COL16A1: variants seen among roughly 807,000 people sequenced by gnomAD.
COL16A1 encodes collagen alpha-1(XVI) chain.
Under a neutral mutation model 266.3 loss-of-function variants are expected in COL16A1, and 189 were observed. That is an observed-to-expected ratio of 0.71 (90% CI 0.63 to 0.80). The LOEUF (loss-of-function observed/expected upper bound fraction) is 0.80. Ranked by LOEUF, COL16A1 falls within the 30% of genes least tolerant of loss-of-function variation. The pLI, the probability that COL16A1 is intolerant of heterozygous loss-of-function variation, is 0.00. For synonymous variants in COL16A1, 740 were observed against 782.3 expected (o/e 0.95, Z 0.90); for missense variants, 1,928 against 2,122.4 (o/e 0.91, Z 1.80).
At chr1:31,689,645 T>C (rs1644163635) in intron 23 of COL16A1, 96 bp downstream of exon 23, 3 of 951,770 alleles carry the variant, frequency 3.2e-6, no homozygotes, top group Non-Finnish European at 5.1e-6. Context: ...CCACGAGAAG[T>C]ACCCAGCCCC....
At position 31,685,004 on chromosome 1, in the gene COL16A1, G is replaced by A. The variant is rs1643900477; in HGVS notation, c.2017-148C>T. The A allele has an allele frequency of 1.3e-6, 2 of 1,489,206 alleles. No homozygotes were observed. The highest frequency in any genetic ancestry group is 2.8e-5 in the African/African-American group (2 of 72,486). 92.2% of individuals were successfully genotyped at this position (1,489,206 alleles called of 1,614,324 possible). ...TGAAGCAATCTTGCCCAGGTGCAGAGCAAAGATTTGTGCCAGACTCTTTGC... is the reference window on the plus strand; with the variant it reads ...TGAAGCAATCTTGCCCAGGTGCAGAACAAAGATTTGTGCCAGACTCTTTGC... On this transcript the variant is annotated intron_variant, in intron 29 of 70. Coordinates refer to ENST00000373672, the MANE Select transcript of COL16A1 (RefSeq NM_001856.4). This position sits in a 1 kb window ranked among gnomAD's most constrained non-coding sequence, Gnocchi z 4.0.
Position 31,688,819 on chromosome 1 carries a change from G to T in COL16A1, c.1767+42C>A. On this transcript the variant is annotated intron_variant, in intron 25 of 70. Coordinates refer to ENST00000373672, the MANE Select transcript of COL16A1 (RefSeq NM_001856.4). This position sits in a 1 kb window ranked among gnomAD's most constrained non-coding sequence, Gnocchi z 4.9. The stretch of plus-strand genomic sequence containing the variant: ...CCAGGGAGATCAACAGTATGGCAAG[G>T]ATGGCTGAACTGGGCTGGGCTGGGA... 1 of 1,573,092 alleles carries T rather than the reference G, an allele frequency of 6.4e-7. No individual in the cohort carries two copies. The highest frequency in any genetic ancestry group is 8.7e-7 in the Non-Finnish European group (1 of 1,152,692).
At position 31,667,520 on chromosome 1, in the gene COL16A1, G is replaced by T. The variant is rs535888273; in HGVS notation, c.3357+55C>A. ...GGCTGCTGCCAAGTCTCCAGCCCGA[G>T]ACTGTGTGGCTCCACGTGCAGCCCT... On this transcript the variant is annotated intron_variant, in intron 52 of 70. Coordinates refer to ENST00000373672, the MANE Select transcript of COL16A1 (RefSeq NM_001856.4). 4.9e-5 allele frequency: 72 copies of T among 1,470,784 alleles called. No homozygotes were observed. In the African/African-American group the frequency reaches 9.5e-4, roughly 19 times the overall value. 91.1% of individuals were successfully genotyped at this position (1,470,784 alleles called of 1,614,324 possible). A position where few individuals can be genotyped will look rare whatever the true frequency, so the allele number is the denominator to read the frequency against.
In COL16A1 at chr1:31,685,875, C is replaced by T. The variant is rs1384344284; in HGVS notation, c.1885-105G>A. 3.0e-5 allele frequency: 46 copies of T among 1,549,008 alleles called. No individual in the cohort carries two copies. The South Asian group carries it at 4.6e-4, about 15-fold the overall frequency. On this transcript the variant is annotated intron_variant, in intron 28 of 70. Coordinates refer to ENST00000373672, the MANE Select transcript of COL16A1 (RefSeq NM_001856.4). This position sits in a 1 kb window ranked among gnomAD's most constrained non-coding sequence, Gnocchi z 4.0. ...AATGTCACTGGGTCTGACACTGCACCTCTGCTGGGTGAGGGGTTATCTTGG... is the reference window on the plus strand; with the variant it reads ...AATGTCACTGGGTCTGACACTGCACTTCTGCTGGGTGAGGGGTTATCTTGG...
intron 44 of COL16A1, 28 bp from the exon 45 acceptor site, chr1:31,672,868 G>C: frequency 1.9e-6 from 3 of 1,608,160 alleles, no homozygotes; most frequent in Non-Finnish European, 2.6e-6. Context: ...AGAGGAGTGG[G>C]GCCTGGGTTA....
rs146025876 is a variant in COL16A1, at chr1:31,687,120, G to A, written c.1804-841C>T. On this transcript the variant is annotated intron_variant, in intron 26 of 70. Transcript: ENST00000373672. ...GTGAAGGCTGGGCACGATGGCTCAC[G>A]CCTGTAATCCCAGCATTTTGGGAGG... Among the ~76,000 whole-genome samples, 659 of 152,308 alleles carry A rather than the reference G, an allele frequency of 4.3e-3. 3 individuals carry two copies. The highest frequency in any genetic ancestry group is 7.0e-3 in the Non-Finnish European group (474 of 68,030).
intron 42 of COL16A1, 124 bp downstream of exon 42, chr1:31,679,508 G>T: frequency 6.2e-7 from 1 of 1,613,914 alleles, no homozygotes; most frequent in Non-Finnish European, 8.5e-7. Flanking sequence ...AAACAGAGGA[G>T]TGAGAAATGG....
chr1:31,679,470 G>A (rs764590288), intron 42 of COL16A1, 162 bp downstream of exon 42: 16 of 1,611,074 alleles, frequency 9.9e-6, no homozygotes, highest in Middle Eastern at 1.6e-4. Context: ...GGCTCAGTGG[G>A]CCCTCCTTGC....
chr1:31,684,468 C>T, intron 31 of COL16A1, 55 bp downstream of exon 31: 1 of 1,585,202 alleles, frequency 6.3e-7, no homozygotes, highest in Admixed American at 1.8e-5. Context: ...TGGTGCGACA[C>T]CTGATTTTTT....
rs1417671255 is a variant in COL16A1 at position 31,658,820 on chromosome 1, T to G, written c.3930+94A>C. The G allele has an allele frequency of 4.2e-6, 6 of 1,430,100 alleles. No homozygotes were observed. In the African/African-American group the frequency reaches 7.1e-5, roughly 17 times the overall value. The allele number at this position is 1,430,100 out of a possible 1,614,324, so 88.6% of individuals were successfully genotyped here. ...CAGGGAAGGAGGGGATGAGACAAACTGTTCTCCATCCCCCCAGCTTCCTCT... is the reference window on the plus strand; with the variant it reads ...CAGGGAAGGAGGGGATGAGACAAACGGTTCTCCATCCCCCCAGCTTCCTCT... On this transcript the variant is annotated intron_variant, in intron 63 of 70. Transcript: ENST00000373672.
intron 47 of COL16A1, 76 bp downstream of exon 47, chr1:31,672,340 C>A: frequency 6.4e-7 from 1 of 1,553,644 alleles, no homozygotes. Context: ...GGTGAGGCCT[C>A]GGAGGCCCCC....
At chr1:31,662,718 C>T in intron 56 of COL16A1, 60 bp from the exon 57 acceptor site, 2 of 1,444,836 alleles carry the variant, frequency 1.4e-6, no homozygotes, top group South Asian at 1.3e-5. Flanking sequence ...GGCTTTGCCC[C>T]ACCCATGGAG....
At position 31,654,876 on chromosome 1, in the gene COL16A1, A is replaced by T. The variant is rs1407683214; in HGVS notation, c.4291-18T>A. 1 of 1,613,924 alleles carries T rather than the reference A, an allele frequency of 6.2e-7. No homozygotes were observed. Among genetic ancestry groups the T allele is most frequent in the Non-Finnish European group, 8.5e-7 (1 of 1,179,960 alleles). On this transcript the variant is annotated intron_variant, in intron 67 of 70. Transcript: ENST00000373672. ...ATGTCTCCCTGAAGAAAGAGAAGAAAACCTGCCTCAATTATACTTCCAAGC... is the reference window on the plus strand; with the variant it reads ...ATGTCTCCCTGAAGAAAGAGAAGAATACCTGCCTCAATTATACTTCCAAGC...
rs1219801745 is a variant in COL16A1, at chr1:31,683,629, G to A, written c.2379+78C>T. ...CTCTGGGGGCAGGCAGAGCCCTGAA[G>A]TTTGGGAGTGGATGGAAGTAGGTAG... is the stretch of plus-strand genomic sequence containing the variant. On this transcript the variant is annotated intron_variant, in intron 34 of 70. Transcript: ENST00000373672. 3 of 1,612,620 alleles carry A rather than the reference G, an allele frequency of 1.9e-6. No homozygotes were observed. The African/African-American group carries it at 4.0e-5, about 22-fold the overall frequency.
In COL16A1 at chr1:31,661,072, G is replaced by A. The variant is rs764511993; in HGVS notation, c.3819C>T (p.Gly1273=). ...GTGGATCCCTGGCCCTCACCTCTGC[G>A]CCAGGCCGGCCAGTGCTGCCAGGGG... ...PGPPGSTGRP[G]AEGEPGAMGP... is the part of the protein sequence containing the mutation. The change falls in exon 61 of 71, where the codon GGC becomes GGT. Residue 1273 remains glycine (G), a synonymous_variant. Coordinates refer to ENST00000373672, the MANE Select transcript of COL16A1 (RefSeq NM_001856.4). The A allele has an allele frequency of 1.3e-5, 21 of 1,564,280 alleles. No homozygotes were observed. Among genetic ancestry groups the A allele is most frequent in the Middle Eastern group, 1.7e-4 (1 of 5,996 alleles).
intron 2 of COL16A1, chr1:31,701,487 G>A (rs1490706862): frequency 3.0e-6 from 3 of 985,262 alleles, no homozygotes; most frequent in African/African-American, 1.7e-5. Flanking sequence ...CGAAGCAGCT[G>A]AGCTACTGAG....
Position 31,685,616 on chromosome 1 carries a change from C to A in COL16A1, c.2016+23G>T, listed in dbSNP as rs1054031528. The A allele has an allele frequency of 1.9e-6, 3 of 1,611,226 alleles. No individual in the cohort carries two copies. Among genetic ancestry groups the A allele is most frequent in the Middle Eastern group, 1.7e-4 (1 of 6,042 alleles). ...CCCGCCTGCATCCCCCGTCCAGAGG[C>A]CCCTGCCTATATCCCACCTCACCTG... On this transcript the variant is annotated intron_variant, in intron 29 of 70. Transcript: ENST00000373672. This position sits in a 1 kb window ranked among gnomAD's most constrained non-coding sequence, Gnocchi z 4.0.
At position 31,690,406 on chromosome 1, in the gene COL16A1, AG is replaced by A; in HGVS notation, c.1483-14del. On this transcript the variant is annotated splice_polypyrimidine_tract_variant and intron_variant, in intron 21 of 70. Transcript: ENST00000373672. The stretch of plus-strand genomic sequence containing the variant: ...CACCTGGCTTCCCCTGTTAGAAAAG[AG>A]GCAATGGGCATCAGTGCCAGGGCAG... The A allele has an allele frequency of 6.2e-7, 1 of 1,614,130 alleles. No homozygotes were observed. The highest frequency in any genetic ancestry group is 8.5e-7 in the Non-Finnish European group (1 of 1,180,018).
chr1:31,696,695 G>A (rs932214972), intron 8 of COL16A1, among the ~76,000 whole-genome samples: 5 of 152,234 alleles, frequency 3.3e-5, no homozygotes, highest in African/African-American at 7.2e-5. Context: ...GATGGCATCC[G>A]TGAGGGTCTA....
Sources: gnomAD v4.1 joint callset for allele counts (sites outside exome capture counted in the v4.1 genomes callset) on GRCh38, gnomAD v4.1.1 for gene constraint, Gnocchi (gnomAD v3.1) non-coding constraint, MANE v1.5 for transcripts, NCBI Gene and HGNC (gene_info 2026-07-23, HGNC 2026-07-21) for gene names.